The following RIMOC1 variants were observed in gnomAD, a reference collection of about 807,000 sequenced individuals.
RIMOC1 encodes RAB7A interacting MON1-CCZ1 complex subunit 1.
the RIMOC1 span, among the ~76,000 whole-genome samples, chr5:41,909,219 A>G: frequency 6.6e-6 from 1 of 152,138 alleles, no homozygotes; most frequent in African/African-American, 2.4e-5. Flanking sequence ...CTTTAACAGC[A>G]TCTCTAATAA....
chr5:41,917,236 AC>A, the RIMOC1 span: 1 of 1,613,722 alleles, frequency 6.2e-7, no homozygotes, highest in Non-Finnish European at 8.5e-7. Context: ...CCCTGAAAGA[AC>A]AAGAATGGAA....
chr5:41,916,906 G>T, the RIMOC1 span: 1 of 935,482 alleles, frequency 1.1e-6, no homozygotes, highest in Non-Finnish European at 1.5e-6. Flanking sequence ...GTTAAAGTGA[G>T]AATAGAAAAT....
chr5:41,911,966 T>C, the RIMOC1 span: 2 of 761,026 alleles, frequency 2.6e-6, no homozygotes, highest in Non-Finnish European at 2.3e-6. Context: ...GCCTATATAT[T>C]AACCAATTTT....
the RIMOC1 span, chr5:41,921,468 A>G: frequency 3.4e-3 from 518 of 150,740 alleles, 2 homozygotes; most frequent in African/African-American, 0.012. Context: ...ATGAGATGAT[A>G]CCATGTTACA....
chr5:41,917,440 AAAC>A, the RIMOC1 span: 1 of 1,371,750 alleles, frequency 7.3e-7, no homozygotes, highest in South Asian at 1.9e-5. Context: ...TACCCTACTA[AAAC>A]AACATCACCA....
At chr5:41,916,867 T>A in the RIMOC1 span, 2 of 563,410 alleles carry the variant, frequency 3.5e-6, no homozygotes, top group South Asian at 7.4e-5. Context: ...ATGAAGATTG[T>A]GTTAGTCATA....
chr5:41,907,664 C>A, the RIMOC1 span: 3 of 811,384 alleles, frequency 3.7e-6, no homozygotes, highest in Non-Finnish European at 6.0e-6. Flanking sequence ...CATCTTCATA[C>A]ATAATGTGTT....
At chr5:41,904,775 G>A in the RIMOC1 span, among the ~76,000 whole-genome samples, 4 of 152,180 alleles carry the variant, frequency 2.6e-5, no homozygotes, top group Admixed American at 2.6e-4. Flanking sequence ...ATAAAATACA[G>A]AAGTTTAAAT....
chr5:41,906,019 G>A, the RIMOC1 span, among the ~76,000 whole-genome samples: 2 of 152,074 alleles, frequency 1.3e-5, no homozygotes, highest in Non-Finnish European at 2.9e-5. Context: ...AATTGAATTT[G>A]GCATTATTTT....
chr5:41,909,941 C>T, the RIMOC1 span: 1 of 1,414,472 alleles, frequency 7.1e-7, no homozygotes, highest in Non-Finnish European at 9.6e-7. Flanking sequence ...CTGGTACTTG[C>T]TGTCCTGCTT....
chr5:41,918,579 G>A, the RIMOC1 span: 174 of 985,254 alleles, frequency 1.8e-4, no homozygotes, highest in Middle Eastern at 5.2e-4. Flanking sequence ...ACCTTTTCGG[G>A]GATGCTGAGT....
the RIMOC1 span, chr5:41,909,664 T>A: frequency 3.2e-6 from 3 of 945,064 alleles, no homozygotes; most frequent in African/African-American, 1.7e-5. Flanking sequence ...AAAGCACCTA[T>A]GTGTGCAAGG....
chr5:41,913,359 TG>T, the RIMOC1 span, among the ~76,000 whole-genome samples: 1 of 152,246 alleles, frequency 6.6e-6, no homozygotes, highest in East Asian at 1.9e-4. Flanking sequence ...GAATGAATAC[TG>T]GTTGGCAACT....
the RIMOC1 span, chr5:41,912,228 T>C: frequency 8.5e-7 from 1 of 1,170,912 alleles, no homozygotes; most frequent in Non-Finnish European, 1.2e-6. Flanking sequence ...TTAAAGCTTC[T>C]TAAGATTTTA....
At chr5:41,904,505 C>T in the RIMOC1 span, 2 of 1,587,824 alleles carry the variant, frequency 1.3e-6, no homozygotes, top group Non-Finnish European at 1.7e-6. Flanking sequence ...GCGGGGCAGA[C>T]GGCGCTAAGG....
At chr5:41,906,228 A>C in the RIMOC1 span, among the ~76,000 whole-genome samples, 2 of 152,208 alleles carry the variant, frequency 1.3e-5, no homozygotes, top group South Asian at 4.1e-4. Flanking sequence ...TCATACAAGC[A>C]CAATCTGTTT....
the RIMOC1 span, chr5:41,912,152 A>T: frequency 6.2e-7 from 1 of 1,608,924 alleles, no homozygotes; most frequent in Admixed American, 1.7e-5. Flanking sequence ...TTTCTTTCCA[A>T]GATCTAGACA....
chr5:41,916,911 G>A, the RIMOC1 span: 1 of 1,007,444 alleles, frequency 9.9e-7, no homozygotes, highest in Non-Finnish European at 1.4e-6. Context: ...AGTGAGAATA[G>A]AAAATGCTTA....
At chr5:41,904,917 AAAC>A in the RIMOC1 span, among the ~76,000 whole-genome samples, 1 of 152,226 alleles carries the variant, frequency 6.6e-6, no homozygotes. Flanking sequence ...TTTGGATTCA[AAAC>A]AACATTCTAT....
Sources: allele counts gnomAD v4.1 joint callset (sites outside exome capture counted in the v4.1 genomes callset), GRCh38; gene constraint gnomAD v4.1.1; transcripts MANE v1.5; gene names NCBI Gene and HGNC (gene_info 2026-07-23, HGNC 2026-07-21).